DGKB: variants seen among roughly 807,000 people sequenced by gnomAD.
The protein encoded by DGKB is 90 kDa diacylglycerol kinase.
DGKB carries 67 observed loss-of-function variants against 114.3 expected under a neutral mutation model. The observed-to-expected ratio is 0.59, with a 90% confidence interval of 0.48 to 0.72. The LOEUF is 0.72. Ranked by LOEUF, DGKB falls within the 30% of genes least tolerant of loss-of-function variation. The pLI, the probability that DGKB is intolerant of heterozygous loss-of-function variation, is 0.00. For synonymous variants in DGKB, 398 were observed against 323.1 expected (o/e 1.23, Z -2.49); for missense variants, 907 against 975.2 (o/e 0.93, Z 0.93).
At chr7:14,476,480 T>C (rs893391918) in intron 21 of DGKB, among the ~76,000 whole-genome samples, 12 of 152,060 alleles carry the variant, frequency 7.9e-5, no homozygotes, top group African/African-American at 2.9e-4. Context: ...ATTCAAACAG[T>C]ACAATAAAGA....
intron 23 of DGKB, among the ~76,000 whole-genome samples, chr7:14,237,197 TGTAA>T (rs1158591881): frequency 2.0e-5 from 3 of 152,012 alleles, no homozygotes; most frequent in Admixed American, 2.0e-4. Context: ...CACCCACAAA[TGTAA>T]GTATTTATAT....
chr7:14,313,639 G>T (rs1161677135), intron 23 of DGKB, among the ~76,000 whole-genome samples: 1 of 152,066 alleles, frequency 6.6e-6, no homozygotes, highest in Admixed American at 6.5e-5. Context: ...CTACGCCCAC[G>T]GAGTCTCGCT....
chr7:14,669,908 T>G (rs1818666079), intron 13 of DGKB, among the ~76,000 whole-genome samples: 1 of 152,138 alleles, frequency 6.6e-6, no homozygotes, highest in African/African-American at 2.4e-5. Flanking sequence ...AACCTCTCCT[T>G]TAACTCTTTA....
chr7:14,892,116 A>G (rs535385330), intron 1 of DGKB, among the ~76,000 whole-genome samples: 8 of 151,504 alleles, frequency 5.3e-5, no homozygotes, highest in African/African-American at 1.9e-4. Flanking sequence ...GAAAAAAGTC[A>G]TGGAAGAAAA....
chr7:14,943,303 G>C (rs1027456546), intron 1 of DGKB, among the ~76,000 whole-genome samples: 9 of 151,344 alleles, frequency 5.9e-5, no homozygotes, highest in Non-Finnish European at 8.8e-5. Context: ...TTTCTTTCTT[G>C]AATTCTAGTA....
At chr7:14,565,688 G>A (rs996549446) in intron 20 of DGKB, among the ~76,000 whole-genome samples, 1 of 151,918 alleles carries the variant, frequency 6.6e-6, no homozygotes, top group Admixed American at 6.6e-5. Context: ...GGACACTGTC[G>A]ATTTTATTTT....
At chr7:14,919,573 T>C (rs1171389559) in intron 1 of DGKB, among the ~76,000 whole-genome samples, 1 of 152,066 alleles carries the variant, frequency 6.6e-6, no homozygotes, top group African/African-American at 2.4e-5. Context: ...AATCGCAAGG[T>C]TTTAATTGCA....
At chr7:14,351,533 T>C (rs550870537) in intron 21 of DGKB, among the ~76,000 whole-genome samples, 2 of 152,346 alleles carry the variant, frequency 1.3e-5, no homozygotes, top group African/African-American at 4.8e-5. Flanking sequence ...CTGTATGAAC[T>C]ATGGCCACAG....
chr7:14,737,432 A>G (rs1424754418), intron 4 of DGKB, among the ~76,000 whole-genome samples: 2 of 151,514 alleles, frequency 1.3e-5, no homozygotes, highest in African/African-American at 2.4e-5. Context: ...TGTTTTTCCT[A>G]TGTAATAATA....
intron 21 of DGKB, among the ~76,000 whole-genome samples, chr7:14,473,830 G>A (rs1247677649): frequency 1.3e-5 from 2 of 152,182 alleles, no homozygotes. Flanking sequence ...GTTGTGTGGG[G>A]GCATGTAGCC....
chr7:14,648,368 C>T (rs1395338865), intron 13 of DGKB, among the ~76,000 whole-genome samples: 3 of 152,238 alleles, frequency 2.0e-5, no homozygotes, highest in Admixed American at 1.3e-4. Flanking sequence ...CTGGGAGGCA[C>T]CCCCCAGCAG....
At chr7:14,916,382 A>G (rs1784240522) in intron 1 of DGKB, among the ~76,000 whole-genome samples, 1 of 152,042 alleles carries the variant, frequency 6.6e-6, no homozygotes, top group Non-Finnish European at 1.5e-5. Flanking sequence ...GATTGATCTA[A>G]ATACATACAA....
At chr7:14,219,858 A>T (rs1349101596) in intron 23 of DGKB, among the ~76,000 whole-genome samples, 4 of 151,752 alleles carry the variant, frequency 2.6e-5, no homozygotes, top group Non-Finnish European at 4.4e-5. Context: ...AATCAAGTTT[A>T]TGAAGATTTA....
chr7:14,239,553 C>A (rs1434104919), intron 23 of DGKB, among the ~76,000 whole-genome samples: 1 of 151,944 alleles, frequency 6.6e-6, no homozygotes, highest in African/African-American at 2.4e-5. Flanking sequence ...ATTACTCATT[C>A]ATTATGTCCT....
At chr7:14,574,561 A>G (rs1425319237) in intron 19 of DGKB, among the ~76,000 whole-genome samples, 189 bp from the exon 20 acceptor site, 1 of 152,232 alleles carries the variant, frequency 6.6e-6, no homozygotes, top group African/African-American at 2.4e-5. Context: ...TCTTAACTTT[A>G]ATTGGTAACA....
rs200729638 is a variant in DGKB, at chr7:14,621,446, T to C, written c.1216A>G (p.Asn406Asp). ...KKEKSGSQQP[N>D]KVIDKNKMQR... ...ATTTTATTCTTGTCAATCACTTTGT[T>C]TGGCTGCTGGGAACCACTCTTTTCC... The change falls in exon 15 of 26, where the codon AAC becomes GAC. Residue 406 changes from asparagine to aspartate, a missense_variant. This residue lies in a region of DGKB where 814 missense variants were observed against 856.6 expected (regional missense o/e 0.95). Transcript: ENST00000402815. 2.5e-5 allele frequency: 40 copies of C among 1,611,388 alleles called. No homozygotes were observed. The Middle Eastern group carries it at 8.3e-4, about 33-fold the overall frequency.
At chr7:14,883,490 T>A (rs1854552522) in intron 1 of DGKB, among the ~76,000 whole-genome samples, 1 of 151,946 alleles carries the variant, frequency 6.6e-6, no homozygotes, top group Non-Finnish European at 1.5e-5. Flanking sequence ...TCTAGCTTTT[T>A]AAAATAAATA....
At chr7:14,532,247 CA>C (rs57982538) in intron 20 of DGKB, among the ~76,000 whole-genome samples, 71 of 141,172 alleles carry the variant, frequency 5.0e-4, no homozygotes, top group Middle Eastern at 7.6e-3. Context: ...ATGAGACCTA[CA>C]AAAAAAAAAA....
chr7:14,783,266 A>T lies in DGKB; in HGVS notation c.71-25535T>A, dbSNP rs185348445. 4.4e-3 allele frequency among the ~76,000 whole-genome samples: 664 copies of T among 152,340 alleles called. 7 individuals carry two copies. Among genetic ancestry groups the T allele is most frequent in the African/African-American group, 0.015 (621 of 41,572 alleles). On this transcript the variant is annotated intron_variant, in intron 2 of 25. Transcript: ENST00000402815. ...CACATCTACAGGATATGGTTATTCAAAATATGGCTCATTCTTATACCAAAG... is the reference window on the plus strand; with the variant it reads ...CACATCTACAGGATATGGTTATTCATAATATGGCTCATTCTTATACCAAAG...
Sources: gnomAD v4.1 joint callset for allele counts (sites outside exome capture counted in the v4.1 genomes callset) on GRCh38, gnomAD v4.1.1 for gene constraint, gnomAD v4.1.1 regional missense constraint, MANE v1.5 for transcripts, NCBI Gene and HGNC (gene_info 2026-07-23, HGNC 2026-07-21) for gene names.